Variants in CLEC10A observed in about 807,000 individuals in gnomAD.
CLEC10A encodes the protein C-type lectin domain containing 10A.
A neutral mutation model predicts 42.0 loss-of-function variants in CLEC10A; 38 were observed. That is an observed-to-expected ratio of 0.90 (90% CI 0.70 to 1.18). CLEC10A has a LOEUF of 1.18. Ranked by LOEUF, CLEC10A falls within the 50% of genes most tolerant of loss-of-function variation. CLEC10A has a pLI of 0.00. For synonymous variants in CLEC10A, 126 were observed against 139.9 expected (o/e 0.90, Z 0.70); for missense variants, 298 against 345.9 (o/e 0.86, Z 1.10).
chr17:7,078,889 G>A lies in CLEC10A; in HGVS notation c.-73-4C>T, dbSNP rs2151688918. ...CGGCGCCCAGTCTGGGGTGGAGCTG[G>A]GGAATAGGAGGTTGGGACTAAGTTG... On this transcript the variant is annotated splice_polypyrimidine_tract_variant and splice_region_variant and intron_variant, in intron 1 of 8. Coordinates refer to ENST00000416562, the MANE Select transcript of CLEC10A (RefSeq NM_001330070.2). 3.6e-6 allele frequency: 5 copies of A among 1,378,738 alleles called. No homozygotes were observed. In the South Asian group the frequency reaches 4.6e-5, roughly 13 times the overall value. 85.4% of individuals were successfully genotyped at this position (1,378,738 alleles called of 1,614,324 possible). A position where few individuals can be genotyped will look rare whatever the true frequency, so the allele number is the denominator to read the frequency against.
chr17:7,076,261 C>G (rs1911737287), intron 5 of CLEC10A, 190 bp from the exon 6 acceptor site: 12 of 945,270 alleles, frequency 1.3e-5, no homozygotes, highest in Non-Finnish European at 1.8e-5. Flanking sequence ...CCCTGTTTCT[C>G]CAGCCTGCTC....
At chr17:7,076,236 T>G in intron 5 of CLEC10A, 165 bp from the exon 6 acceptor site, 1 of 1,315,896 alleles carries the variant, frequency 7.6e-7, no homozygotes, top group Non-Finnish European at 1.0e-6. Context: ...TCAAATCTGC[T>G]TTGGATTCCT....
At position 7,076,290 on chromosome 17, in the gene CLEC10A, CCTTT is replaced by C. The variant is rs199919890; in HGVS notation, c.353-223_353-220del. On this transcript the variant is annotated intron_variant, in intron 5 of 8. Transcript: ENST00000416562. ...CCTGCTCTCCAGAGAAAGCATGCTG[CCTTT>C]CTTTCTTTCTTTCTTTTTTTTTTTT... 83 of 678,780 alleles carry C rather than the reference CCTTT, an allele frequency of 1.2e-4. 1 individual carries two copies. Among genetic ancestry groups the C allele is most frequent in the East Asian group, 3.0e-4 (10 of 33,494 alleles). 42.0% of individuals were successfully genotyped at this position (678,780 alleles called of 1,614,324 possible).
chr17:7,075,859 CA>C lies in CLEC10A; in HGVS notation c.465del (p.Val156SerfsTer29), dbSNP rs764598849. 38 of 1,613,352 alleles carry C rather than the reference CA, an allele frequency of 2.4e-5. No homozygotes were observed. The highest frequency in any genetic ancestry group is 1.8e-5 in the Non-Finnish European group (21 of 1,179,754). On this transcript the variant is annotated frameshift_variant, in exon 7 of 9. Coordinates refer to ENST00000416562, the MANE Select transcript of CLEC10A (RefSeq NM_001330070.2). LOFTEE classifies it high-confidence loss of function. Reference protein sequence around the residue: ...NNASTEGTCCPVNWVEHQDSC... With the variant: ...NNASTEGTCCXVNWVEHQDSC... ...CTGTCTTGGTGCTCCACCCAGTTGA[CA>C]GGGCAGCAGGTCCCTTCAGTGGAGG...
intron 2 of CLEC10A, 53 bp from the exon 3 acceptor site, chr17:7,078,166 A>G: frequency 2.2e-6 from 3 of 1,374,936 alleles, no homozygotes; most frequent in Non-Finnish European, 3.1e-6. Flanking sequence ...CGGAGACGGG[A>G]GAAGGAGAGG....
chr17:7,079,179 G>A (rs1431570043), intron 1 of CLEC10A, among the ~76,000 whole-genome samples: 1 of 152,148 alleles, frequency 6.6e-6, no homozygotes, highest in Non-Finnish European at 1.5e-5. Context: ...ATGGAATTGG[G>A]GTTAACTTTG....
chr17:7,075,799 CCCAGGACATCCCAGAGTGAGAGAA>C lies in CLEC10A; in HGVS notation c.502_525del (p.Phe168_Trp175del), dbSNP rs1258137189. The C allele has an allele frequency of 1.2e-6, 2 of 1,614,230 alleles. No individual in the cohort carries two copies. The highest frequency in any genetic ancestry group is 1.7e-5 in the Admixed American group (1 of 60,026). ...AGCTGGCAGTACTTCTCAGCCTCGG[CCCAGGACATCCCAGAGTGAGAGAA>C]CCAGTAGCAGCTGTCTTGGTGCTCC... On this transcript the variant is annotated inframe_deletion, in exon 7 of 9. Transcript: ENST00000416562.
At chr17:7,077,684 A>G (rs1165652852) in intron 3 of CLEC10A, among the ~76,000 whole-genome samples, 4 of 73,536 alleles carry the variant, frequency 5.4e-5, no homozygotes, top group African/African-American at 1.7e-4. Context: ...CACCGTCCCC[A>G]TCAATCACTC....
rs1310659786 is a variant in CLEC10A at position 7,075,380 on chromosome 17, T to C, written c.681A>G (p.Thr227=). The change falls in exon 8 of 9, where the codon ACA becomes ACG. Residue 227 remains threonine (T), a synonymous_variant. Coordinates refer to ENST00000416562, the MANE Select transcript of CLEC10A (RefSeq NM_001330070.2). The part of the protein sequence containing the change: ...PEGAWKWVDG[T]DYATGFQNWK... ...CTCACTGGAAGCCGGTCGCATAGTC[T>C]GTTCCATCCACCCACTTCCAGGCTC... 6.6e-7 allele frequency: 1 copy of C among 1,519,122 alleles called. No individual in the cohort carries two copies. The highest frequency in any genetic ancestry group is 1.4e-5 in the African/African-American group (1 of 71,686). The allele number at this position is 1,519,122 out of a possible 1,614,324, so 94.1% of individuals were successfully genotyped here. A position where few individuals can be genotyped will look rare whatever the true frequency, so the allele number is the denominator to read the frequency against.
chr17:7,075,182 C>A lies in CLEC10A; in HGVS notation c.742G>T (p.Gly248Trp). ...PGQPDDWQGHGLGGGEDCAHF... is the reference protein window; with the variant it reads ...PGQPDDWQGHWLGGGEDCAHF... ...GCACAGTCCTCGCCTCCACCCAGCCCGTGCCCCTGCCAGTCGTCTGGCTGG... is the reference window on the plus strand; with the variant it reads ...GCACAGTCCTCGCCTCCACCCAGCCAGTGCCCCTGCCAGTCGTCTGGCTGG... Residue 248 changes from glycine (G) to tryptophan (W), a missense_variant, in exon 9 of 9, where the codon GGG (glycine) becomes TGG (tryptophan). Transcript: ENST00000416562. 1 of 1,574,012 alleles carries A rather than the reference C, an allele frequency of 6.4e-7. No homozygotes were observed. The highest frequency in any genetic ancestry group is 8.6e-7 in the Non-Finnish European group (1 of 1,164,080).
In CLEC10A at chr17:7,077,116, T is replaced by C. The variant is rs1004361761; in HGVS notation, c.185-129A>G. On this transcript the variant is annotated intron_variant, in intron 3 of 8. Transcript: ENST00000416562. The stretch of plus-strand genomic sequence containing the variant: ...AACCCAGTGGGGCAGGCACTATTAT[T>C]GTTCAATATTGCCGATGAGGAAACT... 8 of 672,878 alleles carry C rather than the reference T, an allele frequency of 1.2e-5. No individual in the cohort carries two copies. In the Admixed American group the frequency reaches 1.6e-4, roughly 14 times the overall value. The allele number at this position is 672,878 out of a possible 1,614,324, so 41.7% of individuals were successfully genotyped here.
intron 2 of CLEC10A, 161 bp downstream of exon 2, chr17:7,078,585 G>T (rs1911994401): frequency 1.5e-6 from 1 of 685,798 alleles, no homozygotes; most frequent in Admixed American, 2.4e-5. Context: ...TCTTTCTAGA[G>T]ACCTTGCATC....
chr17:7,078,727 G>A lies in CLEC10A; in HGVS notation c.67+19C>T, dbSNP rs368977528. 4.1e-5 allele frequency: 66 copies of A among 1,610,576 alleles called. No individual in the cohort carries two copies. Among genetic ancestry groups the A allele is most frequent in the Admixed American group, 8.3e-5 (5 of 59,996 alleles). The stretch of plus-strand genomic sequence containing the variant: ...CATATAAAGAGGGCATTTTAGGAGA[G>A]TTTCCCCTTTCCTCTTACCATTTTT... On this transcript the variant is annotated intron_variant, in intron 2 of 8. Transcript: ENST00000416562.
intron 1 of CLEC10A, among the ~76,000 whole-genome samples, chr17:7,079,536 T>C (rs1308361538): frequency 1.3e-5 from 2 of 151,262 alleles, no homozygotes; most frequent in African/African-American, 2.4e-5. Context: ...TGAGCCGAGG[T>C]TGTGCCGTTG....
intron 2 of CLEC10A, chr17:7,078,383 G>A (rs1370359952): frequency 5.9e-6 from 3 of 509,230 alleles, no homozygotes; most frequent in African/African-American, 3.8e-5. Flanking sequence ...GCAGGGGCAG[G>A]AGGACACAGG....
chr17:7,077,387 C>T (rs1383412712), intron 3 of CLEC10A, among the ~76,000 whole-genome samples: 10 of 141,614 alleles, frequency 7.1e-5, no homozygotes, highest in Admixed American at 7.3e-5. Context: ...TCCATCAGTG[C>T]CCCCCACTAT....
At chr17:7,077,056 C>A (rs1911803832) in intron 3 of CLEC10A, 69 bp from the exon 4 acceptor site, 1 of 1,110,780 alleles carries the variant, frequency 9.0e-7, no homozygotes, top group South Asian at 1.2e-5. Context: ...CGAGCAGGGC[C>A]CTCCATAAGC....
intron 3 of CLEC10A, 110 bp downstream of exon 3, chr17:7,077,887 C>G: frequency 1.2e-6 from 1 of 815,780 alleles, no homozygotes; most frequent in Non-Finnish European, 2.1e-6. Context: ...CCCTGCATTG[C>G]TCCTACTGTG....
chr17:7,077,042 G>T, intron 3 of CLEC10A, 55 bp from the exon 4 acceptor site: 1 of 1,253,796 alleles, frequency 8.0e-7, no homozygotes, highest in Non-Finnish European at 1.2e-6. Flanking sequence ...CTCTGTACCA[G>T]CACCGAGCAG....
Sources: gnomAD v4.1 joint callset for allele counts (sites outside exome capture counted in the v4.1 genomes callset) on GRCh38, gnomAD v4.1.1 for gene constraint, MANE v1.5 for transcripts, NCBI Gene and HGNC (gene_info 2026-07-23, HGNC 2026-07-21) for gene names.